The following ABCG1 variants were observed in gnomAD, a reference collection of about 807,000 sequenced individuals.
ABCG1 encodes the protein ATP binding cassette subfamily G member 1.
ABCG1 carries 29 observed loss-of-function variants against 69.2 expected under a neutral mutation model. That is an observed-to-expected ratio of 0.42 (90% CI 0.31 to 0.57). ABCG1 has a LOEUF of 0.57. ABCG1 is among the 20% of genes least tolerant of loss of function. The pLI is 0.15. For missense variants in ABCG1, 718 were observed against 898.1 expected (o/e 0.80, Z 2.56); for synonymous variants, 370 against 374.8 (o/e 0.99, Z 0.15).
At chr21:42,234,643 C>G (rs2067950033) in intron 2 of ABCG1, among the ~76,000 whole-genome samples, 1 of 152,234 alleles carries the variant, frequency 6.6e-6, no homozygotes. Flanking sequence ...GCTCTGCCCA[C>G]TAAGTGTCAG....
upstream of ABCG1, among the ~76,000 whole-genome samples, chr21:42,215,330 T>A (rs900524487): frequency 6.6e-6 from 1 of 152,194 alleles, no homozygotes; most frequent in Non-Finnish European, 1.5e-5. Context: ...GTCCTCAGTG[T>A]GCCCCTTTCT....
exon 1 of ABCG1, chr21:42,199,735 A>C (rs1330347314): frequency 6.6e-6 from 1 of 152,244 alleles, no homozygotes; most frequent in African/African-American, 2.4e-5. Flanking sequence ...ACATGCCTGC[A>C]GTGGTGAAAA....
intron 2 of ABCG1, among the ~76,000 whole-genome samples, chr21:42,227,871 C>A (rs1282291848): frequency 6.6e-6 from 1 of 152,130 alleles, no homozygotes; most frequent in Admixed American, 6.5e-5. Flanking sequence ...AAAGAACCCA[C>A]ACACATTTAG....
At chr21:42,203,032 A>T (rs2067518974) in intron 2 of ABCG1, among the ~76,000 whole-genome samples, 1 of 152,174 alleles carries the variant, frequency 6.6e-6, no homozygotes, top group Non-Finnish European at 1.5e-5. Context: ...ATACAAAGCA[A>T]ATCAGTGCAG....
intron 2 of ABCG1, among the ~76,000 whole-genome samples, chr21:42,207,872 G>A (rs1245647318): frequency 1.3e-5 from 2 of 152,218 alleles, no homozygotes; most frequent in Admixed American, 6.5e-5. Flanking sequence ...ACCCTGGGTG[G>A]TGGTGAAAGT....
intron 6 of ABCG1, among the ~76,000 whole-genome samples, chr21:42,282,898 A>G (rs532702196): frequency 6.6e-6 from 1 of 151,304 alleles, no homozygotes; most frequent in South Asian, 2.1e-4. Context: ...GCAGGACAGG[A>G]TCCTGCCTCA....
chr21:42,201,556 C>A, intron 1 of ABCG1: 1 of 1,470,616 alleles, frequency 6.8e-7, no homozygotes, highest in Admixed American at 2.1e-5. Flanking sequence ...ATTCTGTCGA[C>A]CTTCTTCCAC....
intron 2 of ABCG1, among the ~76,000 whole-genome samples, chr21:42,207,280 T>A (rs2067550677): frequency 6.6e-6 from 1 of 152,230 alleles, no homozygotes; most frequent in Non-Finnish European, 1.5e-5. Flanking sequence ...AGCTTGTTTT[T>A]CTCTGTTGTT....
intron 2 of ABCG1, among the ~76,000 whole-genome samples, chr21:42,255,371 C>A (rs1439260604): frequency 6.6e-6 from 1 of 152,010 alleles, no homozygotes; most frequent in Non-Finnish European, 1.5e-5. Context: ...GCACATGATG[C>A]ACATGTGTGT....
chr21:42,208,991 G>A (rs1197075927), intron 2 of ABCG1, among the ~76,000 whole-genome samples: 1 of 152,198 alleles, frequency 6.6e-6, no homozygotes, highest in African/African-American at 2.4e-5. Context: ...GGGGGAGGGA[G>A]GCAGGAGGGT....
chr21:42,294,124 C>A (rs576254848), intron 13 of ABCG1, among the ~76,000 whole-genome samples: 9 of 152,312 alleles, frequency 5.9e-5, no homozygotes, highest in African/African-American at 2.2e-4. Flanking sequence ...GCGTCCATCC[C>A]GCCTGTGAAG....
At chr21:42,240,644 C>T (rs557300650) in intron 2 of ABCG1, among the ~76,000 whole-genome samples, 12 of 152,352 alleles carry the variant, frequency 7.9e-5, no homozygotes, top group East Asian at 1.9e-4. Context: ...GATGGGGTTT[C>T]GCCATGTTGG....
At chr21:42,227,621 G>A (rs1212263029) in intron 2 of ABCG1, among the ~76,000 whole-genome samples, 1 of 152,238 alleles carries the variant, frequency 6.6e-6, no homozygotes, top group Non-Finnish European at 1.5e-5. Context: ...CACAGGTGTA[G>A]CCAGTGTTTG....
chr21:42,204,792 C>T (rs964239687), intron 2 of ABCG1, among the ~76,000 whole-genome samples: 1 of 152,118 alleles, frequency 6.6e-6, no homozygotes, highest in Non-Finnish European at 1.5e-5. Context: ...GCTCAAGAAA[C>T]CCTCTTGCCT....
At chr21:42,255,084 C>G (rs2068280577) in intron 2 of ABCG1, among the ~76,000 whole-genome samples, 2 of 152,200 alleles carry the variant, frequency 1.3e-5, no homozygotes, top group Admixed American at 1.3e-4. Context: ...TGGAAAAAGA[C>G]CAGTTCTGCT....
At chr21:42,277,643 G>T (rs1452443553) in intron 5 of ABCG1, among the ~76,000 whole-genome samples, 2 of 152,198 alleles carry the variant, frequency 1.3e-5, no homozygotes, top group Admixed American at 1.3e-4. Flanking sequence ...GGGATTTTCA[G>T]TGTGAGATGG....
intron 2 of ABCG1, among the ~76,000 whole-genome samples, chr21:42,243,489 T>C (rs10590040): frequency 0.04 from 5,537 of 139,830 alleles, 124 homozygotes; most frequent in Admixed American, 0.068. Context: ...TGTGTGTGTG[T>C]GCGCTGGTTT....
At chr21:42,277,926 A>C (rs1320518982) in intron 5 of ABCG1, among the ~76,000 whole-genome samples, 2 of 152,300 alleles carry the variant, frequency 1.3e-5, no homozygotes, top group African/African-American at 4.8e-5. Flanking sequence ...GGTATGGAAA[A>C]AAAGAGTTGG....
In ABCG1 at chr21:42,287,026, G is replaced by A. The variant is rs2146331999; in HGVS notation, c.974-863G>A. On this transcript the variant is annotated intron_variant, in intron 8 of 14. Coordinates refer to ENST00000398449, the MANE Select transcript of ABCG1 (RefSeq NM_016818.3). This position sits in a 1 kb window ranked among gnomAD's most constrained non-coding sequence, Gnocchi z 6.2. ...GTGTGGTGGCCTCCGTACCAGCTGG[G>A]AGGAAGCGGGTAGCTGGCTCTGCCA... is the stretch of plus-strand genomic sequence containing the variant. Among the ~76,000 whole-genome samples the A allele has an allele frequency of 6.6e-6, 1 of 152,356 alleles. No homozygotes were observed. The highest frequency in any genetic ancestry group is 1.9e-4 in the East Asian group (1 of 5,184).
Sources: gnomAD v4.1 joint callset for allele counts (sites outside exome capture counted in the v4.1 genomes callset) on GRCh38, gnomAD v4.1.1 for gene constraint, Gnocchi (gnomAD v3.1) non-coding constraint, MANE v1.5 for transcripts, NCBI Gene and HGNC (gene_info 2026-07-23, HGNC 2026-07-21) for gene names.